Variants in MTMR3 observed in about 807,000 individuals in gnomAD.
MTMR3 encodes the protein myotubularin related protein 3.
A neutral mutation model predicts 132.4 loss-of-function variants in MTMR3; 32 were observed. The observed-to-expected ratio is 0.24, with a 90% confidence interval of 0.18 to 0.32. The LOEUF (loss-of-function observed/expected upper bound fraction) is 0.32. Among genes scored for constraint, MTMR3 ranks in the 10% least tolerant of loss-of-function variants. MTMR3 has a pLI of 1.00. For synonymous variants in MTMR3, 556 were observed against 550.3 expected (o/e 1.01, Z -0.14); for missense variants, 1,216 against 1,489.6 (o/e 0.82, Z 3.02).
intron 8 of MTMR3, 108 bp from the exon 9 acceptor site, chr22:30,002,772 T>G: frequency 2.4e-4 from 192 of 785,928 alleles, no homozygotes; most frequent in Non-Finnish European, 3.4e-4. Context: ...TCTGTGGCAG[T>G]GAGATCATCA....
intron 1 of MTMR3, among the ~76,000 whole-genome samples, chr22:29,951,005 G>T (rs1353942250): frequency 6.6e-6 from 1 of 152,086 alleles, no homozygotes; most frequent in Non-Finnish European, 1.5e-5. Context: ...ACAAAAATTA[G>T]CTGGGCGTGG....
rs1328540133 is a variant in MTMR3, at chr22:30,020,383, C to T, written c.2724C>T (p.Leu908=). 2 of 1,614,212 alleles carry T rather than the reference C, an allele frequency of 1.2e-6. No homozygotes were observed. Among genetic ancestry groups the T allele is most frequent in the Admixed American group, 1.7e-5 (1 of 60,022 alleles). ...VVHRTSLGST[L]SLTRSPCALP... is the part of the protein sequence containing the mutation. ...ATAGGACTTCCCTTGGCAGCACTCT[C>T]AGCCTGACACGTTCCCCTTGTGCCT... The change falls in exon 17 of 20, where the codon CTC becomes CTT. Residue 908 remains leucine, a synonymous_variant. Transcript: ENST00000401950.
intron 1 of MTMR3, among the ~76,000 whole-genome samples, chr22:29,953,952 C>A (rs2066132456): frequency 6.6e-6 from 1 of 151,782 alleles, no homozygotes; most frequent in Non-Finnish European, 1.5e-5. Flanking sequence ...TACTCTTATT[C>A]CTTAAGGTAT....
In MTMR3 at chr22:30,020,778, A is replaced by G; in HGVS notation, c.3119A>G (p.Gln1040Arg). Residue 1040 changes from glutamine (Q) to arginine (R), a missense_variant, in exon 17 of 20, where the codon CAG (glutamine) becomes CGG (arginine). Physicochemically the swap from Gln to Arg is conservative, Grantham distance 43. Coordinates refer to ENST00000401950, the MANE Select transcript of MTMR3 (RefSeq NM_021090.4). ...CGTCAGATTGAGTCAGGCCACCAGC[A>G]GGAAGTAGAAACTTTGAAGAAACAA... Reference protein sequence around the residue: ...RLRQIESGHQQEVETLKKQVQ... With the variant: ...RLRQIESGHQREVETLKKQVQ... 1.9e-6 allele frequency: 3 copies of G among 1,614,156 alleles called. No individual in the cohort carries two copies. Among genetic ancestry groups the G allele is most frequent in the Non-Finnish European group, 2.5e-6 (3 of 1,179,990 alleles).
intron 8 of MTMR3, chr22:30,001,250 G>C (rs531804827): frequency 6.6e-6 from 1 of 152,518 alleles, no homozygotes; most frequent in Non-Finnish European, 1.5e-5. Context: ...AAATTAGCCA[G>C]CGTGGTGGCG....
intron 1 of MTMR3, among the ~76,000 whole-genome samples, chr22:29,896,866 G>GACACACACACAC (rs1568994324): frequency 1.0e-5 from 1 of 98,530 alleles, no homozygotes; most frequent in African/African-American, 4.1e-5. Flanking sequence ...TAACAGGCTT[G>GACACACACACAC]TCTCACACAC....
chr22:30,013,411 A>T lies in MTMR3; in HGVS notation c.1373A>T (p.Asp458Val). 3 of 1,614,064 alleles carry T rather than the reference A, an allele frequency of 1.9e-6. No individual in the cohort carries two copies. The highest frequency in any genetic ancestry group is 2.5e-6 in the Non-Finnish European group (3 of 1,179,980). Residue 458 changes from aspartate (D) to valine (V), a missense_variant, in exon 14 of 20, where the codon GAC becomes GTC. By Grantham distance (152) the Asp-to-Val change is radical (BLOSUM62 -3). This residue lies in a region of MTMR3 where 106 missense variants were observed against 209.5 expected (regional missense o/e 0.51). Coordinates refer to ENST00000401950, the MANE Select transcript of MTMR3 (RefSeq NM_021090.4). ...EWLDFGHKFADRCGHGENSDD... is the reference protein window; with the variant it reads ...EWLDFGHKFAVRCGHGENSDD... Reference sequence around the variant, plus strand: ...CTGGATTTTGGCCATAAATTTGCTGACCGGTGTGGTCATGGGGAGAACTCG... The same window carrying T: ...CTGGATTTTGGCCATAAATTTGCTGTCCGGTGTGGTCATGGGGAGAACTCG...
chr22:30,006,402 G>A (rs1268114341), intron 9 of MTMR3: 1 of 152,168 alleles, frequency 6.6e-6, no homozygotes, highest in Admixed American at 6.6e-5. Flanking sequence ...AGTTCACTGT[G>A]GGCCAGGTAA....
In MTMR3 at chr22:29,903,390, C is replaced by CTTTTTTTT. The variant is rs35625964; in HGVS notation, c.-138+20042_-138+20049dup. On this transcript the variant is annotated intron_variant, in intron 1 of 19. Coordinates refer to ENST00000401950, the MANE Select transcript of MTMR3 (RefSeq NM_021090.4). ...TGATTTTCTTTTTTTCTTTTTCTTT[C>CTTTTTTTT]TTTTTTTTTTTTTTTTTTGAGACAG... Among the ~76,000 whole-genome samples, 3 of 119,708 alleles carry CTTTTTTTT rather than the reference C, an allele frequency of 2.5e-5. 1 individual carries two copies. Among genetic ancestry groups the CTTTTTTTT allele is most frequent in the Non-Finnish European group, 5.0e-5 (3 of 60,434 alleles). The allele number at this position is 119,708 out of a possible 152,430, so 78.5% of individuals were successfully genotyped here. A position where few individuals can be genotyped will look rare whatever the true frequency, so the allele number is the denominator to read the frequency against.
At chr22:29,950,102 A>C (rs2066045496) in intron 1 of MTMR3, among the ~76,000 whole-genome samples, 2 of 152,196 alleles carry the variant, frequency 1.3e-5, no homozygotes, top group Non-Finnish European at 2.9e-5. Flanking sequence ...TAGTCAAAAG[A>C]ACAAAAGTCA....
chr22:30,029,523 C>T lies in MTMR3; in HGVS notation c.*3722C>T, dbSNP rs1569060955. On this transcript the variant is annotated 3_prime_UTR_variant, in exon 20 of 20. Coordinates refer to ENST00000401950, the MANE Select transcript of MTMR3 (RefSeq NM_021090.4). Reference sequence around the variant, plus strand: ...ACAATCTCTGGCTATTAAAAAACATCAAGATGAGAATTAAAGGCATATCCT... The same window carrying T: ...ACAATCTCTGGCTATTAAAAAACATTAAGATGAGAATTAAAGGCATATCCT... 1 of 152,330 alleles carries T rather than the reference C, an allele frequency of 6.6e-6. No homozygotes were observed. The highest frequency in any genetic ancestry group is 1.5e-5 in the Non-Finnish European group (1 of 68,046). 9.4% of individuals were successfully genotyped at this position (152,330 alleles called of 1,614,324 possible).
chr22:29,988,431 G>C, intron 5 of MTMR3, 49 bp from the exon 6 acceptor site: 1 of 1,414,658 alleles, frequency 7.1e-7, no homozygotes, highest in Non-Finnish European at 9.9e-7. Flanking sequence ...AAGAACTCCA[G>C]GGTCAATGCC....
At chr22:29,968,967 C>G (rs568270452) in intron 2 of MTMR3, among the ~76,000 whole-genome samples, 1 of 152,260 alleles carries the variant, frequency 6.6e-6, no homozygotes, top group African/African-American at 2.4e-5. Flanking sequence ...CCCAAAACCC[C>G]TGTCCTTAGT....
Position 29,900,160 on chromosome 22 carries a change from CTT to C in MTMR3, c.-138+16803_-138+16804del, listed in dbSNP as rs2064978069. Among the ~76,000 whole-genome samples the C allele has an allele frequency of 2.0e-5, 3 of 151,990 alleles. No individual in the cohort carries two copies. In the South Asian group the frequency reaches 6.2e-4, roughly 31 times the overall value. On this transcript the variant is annotated intron_variant, in intron 1 of 19. Transcript: ENST00000401950. The stretch of plus-strand genomic sequence containing the variant: ...TTTTTGGGGTACATTATACCTGTGT[CTT>C]TGTTAGGAGGGAAGGAGTTGATGGA...
chr22:29,991,554 A>T lies in MTMR3; in HGVS notation c.344A>T (p.Asn115Ile). The T allele has an allele frequency of 6.2e-7, 1 of 1,614,112 alleles. No individual in the cohort carries two copies. The highest frequency in any genetic ancestry group is 8.5e-7 in the Non-Finnish European group (1 of 1,179,988). Residue 115 changes from asparagine to isoleucine, a missense_variant, in exon 7 of 20, where the codon AAC becomes ATC. By Grantham distance (149) the Asn-to-Ile change is moderately radical. This residue lies in a region of MTMR3 where 129 missense variants were observed against 245.7 expected (regional missense o/e 0.53). Transcript: ENST00000401950. ...TGTCAAGAGTGGCTGAAGAGACTGAACAACGCAATCCGACCACCTGCTAAA... is the reference window on the plus strand; with the variant it reads ...TGTCAAGAGTGGCTGAAGAGACTGATCAACGCAATCCGACCACCTGCTAAA... The part of the protein sequence containing the change: ...EQCQEWLKRL[N>I]NAIRPPAKIE...
At chr22:29,902,661 C>G (rs1239125502) in intron 1 of MTMR3, among the ~76,000 whole-genome samples, 26 of 152,044 alleles carry the variant, frequency 1.7e-4, no homozygotes, top group Admixed American at 1.7e-3. Flanking sequence ...GTCACCGTGC[C>G]TGGCTGGTTA....
chr22:29,919,455 G>A (rs1016458375), intron 1 of MTMR3, among the ~76,000 whole-genome samples: 1 of 152,176 alleles, frequency 6.6e-6, no homozygotes, highest in African/African-American at 2.4e-5. Context: ...GTAAAACAGT[G>A]ATAAATACCA....
chr22:29,935,892 A>G (rs938726008), intron 1 of MTMR3, among the ~76,000 whole-genome samples: 2 of 152,060 alleles, frequency 1.3e-5, no homozygotes, highest in Admixed American at 6.5e-5. Flanking sequence ...AGCTGGGACT[A>G]TAGGCGCCCG....
intron 1 of MTMR3, among the ~76,000 whole-genome samples, chr22:29,916,587 A>C (rs1413402903): frequency 6.6e-6 from 1 of 152,064 alleles, no homozygotes; most frequent in Non-Finnish European, 1.5e-5. Context: ...AGCATCCAAG[A>C]ATAGCTGTTT....
Sources: gnomAD v4.1 joint callset for allele counts (sites outside exome capture counted in the v4.1 genomes callset) on GRCh38, gnomAD v4.1.1 for gene constraint, gnomAD v4.1.1 regional missense constraint, MANE v1.5 for transcripts, NCBI Gene and HGNC (gene_info 2026-07-23, HGNC 2026-07-21) for gene names.